Variants in STX8 observed in about 807,000 individuals in gnomAD.
STX8 encodes the protein syntaxin 8.
Under a neutral mutation model 37.5 loss-of-function variants are expected in STX8, and 23 were observed. The ratio of observed to expected loss-of-function variants is 0.61; its 90% CI spans 0.44 to 0.87. The LOEUF (loss-of-function observed/expected upper bound fraction) is 0.87, where lower values mean the gene tolerates loss of function less well. Ranked by LOEUF, STX8 falls within the 40% of genes least tolerant of loss-of-function variation. The probability of loss-of-function intolerance (pLI) is 0.00; values close to 1 mark genes in which losing one functional copy is unlikely to be tolerated. For missense variants in STX8, 313 were observed against 284.7 expected (o/e 1.10, Z -0.71); for synonymous variants, 115 against 99.1 (o/e 1.16, Z -0.95).
intron 6 of STX8, among the ~76,000 whole-genome samples, chr17:9,432,937 C>T (rs186762653): frequency 6.6e-6 from 1 of 152,308 alleles, no homozygotes; most frequent in Admixed American, 6.5e-5. Flanking sequence ...GAACATTTTC[C>T]TCCATGGAAT....
chr17:9,487,002 C>T (rs1290153578), intron 6 of STX8, among the ~76,000 whole-genome samples: 5 of 152,156 alleles, frequency 3.3e-5, no homozygotes, highest in East Asian at 1.9e-4. Flanking sequence ...CACTTGCCAA[C>T]GCCCCTAGTC....
chr17:9,425,778 T>C (rs957327770), intron 6 of STX8, among the ~76,000 whole-genome samples: 1 of 152,172 alleles, frequency 6.6e-6, no homozygotes, highest in South Asian at 2.1e-4. Flanking sequence ...CAATCTGAAA[T>C]AGTCCACTAA....
intron 6 of STX8, among the ~76,000 whole-genome samples, chr17:9,415,344 T>C (rs73973736): frequency 0.012 from 1,872 of 152,268 alleles, 38 homozygotes; most frequent in African/African-American, 0.043. Flanking sequence ...AGTTTTCTCC[T>C]GTGTTAGTTT....
chr17:9,535,882 A>T (rs1008999367), intron 4 of STX8, among the ~76,000 whole-genome samples: 2 of 152,256 alleles, frequency 1.3e-5, no homozygotes, highest in Non-Finnish European at 1.5e-5. Flanking sequence ...CATACAATGA[A>T]ATATTATAAG....
chr17:9,327,225 A>AAGGAGGAAGGAGGAAAG (rs1201030134), intron 7 of STX8, among the ~76,000 whole-genome samples: 3 of 147,974 alleles, frequency 2.0e-5, no homozygotes, highest in Non-Finnish European at 4.5e-5. Context: ...AAGGAGGAAG[A>AAGGAGGAAGGAGGAAAG]AGGAGGAAGG....
At chr17:9,434,183 T>C (rs1904342709) in intron 6 of STX8, among the ~76,000 whole-genome samples, 1 of 152,138 alleles carries the variant, frequency 6.6e-6, no homozygotes, top group Non-Finnish European at 1.5e-5. Context: ...TTTTGTATTT[T>C]TAGTACAGAC....
intron 6 of STX8, among the ~76,000 whole-genome samples, chr17:9,480,269 A>G (rs1293469246): frequency 1.3e-5 from 2 of 152,226 alleles, no homozygotes; most frequent in Non-Finnish European, 2.9e-5. Context: ...TAGGAGTTCA[A>G]CATTTGTTTA....
At chr17:9,505,246 G>A in intron 4 of STX8, 84 bp from the exon 5 acceptor site, 1 of 1,473,166 alleles carries the variant, frequency 6.8e-7, no homozygotes. Context: ...GAGGTGGCCA[G>A]CCTTGAATGC....
intron 7 of STX8, among the ~76,000 whole-genome samples, chr17:9,291,539 A>G (rs891996527): frequency 6.6e-6 from 1 of 151,920 alleles, no homozygotes; most frequent in African/African-American, 2.4e-5. Flanking sequence ...GTTTTCCAAG[A>G]TTCTATCCTC....
At chr17:9,490,994 G>A (rs1906829725) in intron 6 of STX8, among the ~76,000 whole-genome samples, 1 of 152,144 alleles carries the variant, frequency 6.6e-6, no homozygotes, top group African/African-American at 2.4e-5. Context: ...TTCCATAAAT[G>A]CCAGCTTCAC....
At chr17:9,261,906 G>A (rs978348999) in intron 7 of STX8, among the ~76,000 whole-genome samples, 3 of 152,168 alleles carry the variant, frequency 2.0e-5, no homozygotes, top group South Asian at 2.1e-4. Flanking sequence ...ACTCTGTTAC[G>A]GATATCTTGT....
intron 7 of STX8, among the ~76,000 whole-genome samples, chr17:9,326,450 T>C (rs1280018025): frequency 1.3e-5 from 2 of 152,220 alleles, no homozygotes; most frequent in Non-Finnish European, 2.9e-5. Flanking sequence ...CCTGTTCATC[T>C]AGTCTTCTTG....
chr17:9,333,245 C>G (rs1385863657), intron 7 of STX8, among the ~76,000 whole-genome samples: 2 of 152,040 alleles, frequency 1.3e-5, no homozygotes, highest in African/African-American at 4.8e-5. Context: ...AGCCTTTGCT[C>G]CCCTCCCTCT....
chr17:9,500,847 T>A (rs1904584220), intron 5 of STX8, among the ~76,000 whole-genome samples: 1 of 151,702 alleles, frequency 6.6e-6, no homozygotes, highest in Non-Finnish European at 1.5e-5. Flanking sequence ...TTTAAAAAAA[T>A]ACAAAAAATT....
At chr17:9,404,609 C>T (rs2142324463) in intron 6 of STX8, among the ~76,000 whole-genome samples, 1 of 152,228 alleles carries the variant, frequency 6.6e-6, no homozygotes, top group African/African-American at 2.4e-5. Context: ...CACACACCAC[C>T]ACACCCAGCT....
intron 7 of STX8, among the ~76,000 whole-genome samples, chr17:9,304,504 T>A: frequency 1.3e-5 from 1 of 76,866 alleles, no homozygotes; most frequent in South Asian, 3.9e-4. Flanking sequence ...AGCGAAACTG[T>A]CTCAAAAAAA....
chr17:9,560,182 G>A lies in STX8; in HGVS notation c.118-2654C>T, dbSNP rs373014866. On this transcript the variant is annotated intron_variant, in intron 2 of 7. Coordinates refer to ENST00000306357, the MANE Select transcript of STX8 (RefSeq NM_004853.3). ...TGGGAGGCAGAGGTGGGAGAATCAC[G>A]AGGTCAGGAGTTCAAAACCAGCCTG... Among the ~76,000 whole-genome samples, 10 of 150,838 alleles carry A rather than the reference G, an allele frequency of 6.6e-5. No homozygotes were observed. The East Asian group carries it at 1.6e-3, about 24-fold the overall frequency.
chr17:9,254,552 T>C (rs1029069174), intron 7 of STX8, among the ~76,000 whole-genome samples: 5 of 152,104 alleles, frequency 3.3e-5, no homozygotes, highest in African/African-American at 1.2e-4. Flanking sequence ...CCCACCACTA[T>C]GCCCGGCTAA....
At chr17:9,532,318 A>G (rs1905854150) in intron 4 of STX8, among the ~76,000 whole-genome samples, 1 of 152,238 alleles carries the variant, frequency 6.6e-6, no homozygotes, top group African/African-American at 2.4e-5. Flanking sequence ...TAAGCCTTCT[A>G]CTTCGTCATC....
Sources: allele counts gnomAD v4.1 joint callset (sites outside exome capture counted in the v4.1 genomes callset), GRCh38; gene constraint gnomAD v4.1.1; transcripts MANE v1.5; gene names NCBI Gene and HGNC (gene_info 2026-07-23, HGNC 2026-07-21).